Variants in VPS13B observed in about 807,000 individuals in gnomAD.
VPS13B encodes vacuolar protein sorting 13 homolog B.
In VPS13B, 285 loss-of-function variants were observed where a neutral mutation model predicts 426.4. The ratio of observed to expected loss-of-function variants is 0.67; its 90% confidence interval spans 0.61 to 0.74. The LOEUF (loss-of-function observed/expected upper bound fraction) is 0.74, where lower values mean the gene tolerates loss of function less well. Ranked by LOEUF, VPS13B falls within the 30% of genes least tolerant of loss-of-function variation. The pLI is 0.00. For missense variants in VPS13B, 4,537 were observed against 4,782.6 expected (o/e 0.95, Z 1.51); for synonymous variants, 1,676 against 1,676.4 (o/e 1.00, Z 0.01).
At chr8:99,061,467 T>C (rs1351444536) in intron 3 of VPS13B, among the ~76,000 whole-genome samples, 1 of 152,092 alleles carries the variant, frequency 6.6e-6, no homozygotes, top group East Asian at 1.9e-4. Flanking sequence ...TGACTATTCA[T>C]TGGAGTGTTT....
At chr8:99,240,013 A>G (rs933023626) in intron 17 of VPS13B, among the ~76,000 whole-genome samples, 6 of 152,128 alleles carry the variant, frequency 3.9e-5, no homozygotes, top group Middle Eastern at 3.2e-3. Context: ...TATGCATTCC[A>G]GATAAGAGGA....
chr8:99,495,019 C>G (rs1255854268), intron 25 of VPS13B, among the ~76,000 whole-genome samples: 1 of 151,856 alleles, frequency 6.6e-6, no homozygotes, highest in Admixed American at 6.6e-5. Flanking sequence ...TCCACTGACA[C>G]AGAAGTAAAG....
At chr8:99,120,695 C>A (rs2132513964) in intron 7 of VPS13B, 1 of 152,734 alleles carries the variant, frequency 6.5e-6, no homozygotes. Flanking sequence ...GGCAGGGGAG[C>A]ATTTTGCCTA....
chr8:99,215,414 C>T (rs1815328997), intron 17 of VPS13B, among the ~76,000 whole-genome samples: 1 of 152,158 alleles, frequency 6.6e-6, no homozygotes, highest in South Asian at 2.1e-4. Context: ...TTATCTGTGT[C>T]TAAAGTCCTT....
intron 39 of VPS13B, among the ~76,000 whole-genome samples, chr8:99,736,170 A>G (rs1294338040): frequency 6.6e-6 from 1 of 152,228 alleles, no homozygotes. Context: ...TTACGAATTT[A>G]GTTTACACTT....
intron 33 of VPS13B, among the ~76,000 whole-genome samples, chr8:99,606,489 A>T (rs2133866678): frequency 7.2e-6 from 1 of 138,296 alleles, no homozygotes; most frequent in East Asian, 2.2e-4. Context: ...ACATAGCAAG[A>T]CTCAGTTTCA....
In VPS13B at chr8:99,461,487, A is replaced by G. The variant is rs147307265; in HGVS notation, c.3446-5927A>G. Among the ~76,000 whole-genome samples the G allele has an allele frequency of 5.3e-5, 8 of 152,290 alleles. No individual in the cohort carries two copies. The East Asian group carries it at 1.3e-3, about 26-fold the overall frequency. ...TTGTGACTTTCATTAATGATCTTGC[A>G]AGCTTTTCTAACTTATTTAATGTCT... On this transcript the variant is annotated intron_variant, in intron 23 of 61. Transcript: ENST00000357162.
At chr8:99,117,493 A>C (rs1847721675) in intron 7 of VPS13B, among the ~76,000 whole-genome samples, 1 of 152,192 alleles carries the variant, frequency 6.6e-6, no homozygotes, top group Non-Finnish European at 1.5e-5. Context: ...CTTATATATG[A>C]AATGTTCATG....
intron 30 of VPS13B, among the ~76,000 whole-genome samples, chr8:99,531,759 A>G (rs1822949230): frequency 6.6e-6 from 1 of 152,082 alleles, no homozygotes; most frequent in African/African-American, 2.4e-5. Context: ...ATTGAGAAAT[A>G]CTGTGTTCAA....
chr8:99,638,273 CT>C (rs1829150544), intron 33 of VPS13B, among the ~76,000 whole-genome samples: 1 of 151,998 alleles, frequency 6.6e-6, no homozygotes, highest in Non-Finnish European at 1.5e-5. Context: ...GCTGTCTGAC[CT>C]TGGAACTATT....
chr8:99,832,499 T>C lies in VPS13B; in HGVS notation c.9461T>C (p.Leu3154Pro). ...AGTCAGTCAGTACTGGATGCATCCC[T>C]GCTTCAGAAACAGATCATGCTGGGC... Reference protein sequence around the residue: ...DISQSVLDASLLQKQIMLGFS... With the variant: ...DISQSVLDASPLQKQIMLGFS... The change falls in exon 52 of 62, where the codon CTG becomes CCG. Residue 3154 changes from leucine (L) to proline (P), a missense_variant. Physicochemically the swap from Leu to Pro is moderately conservative, Grantham distance 98. Coordinates refer to ENST00000357162, the MANE Select transcript of VPS13B (RefSeq NM_152564.5). 6.2e-7 allele frequency: 1 copy of C among 1,613,834 alleles called. No homozygotes were observed. Among genetic ancestry groups the C allele is most frequent in the Non-Finnish European group, 8.5e-7 (1 of 1,179,988 alleles).
chr8:99,835,197 G>A lies in VPS13B; in HGVS notation c.9615G>A (p.Arg3205=). 3.1e-6 allele frequency: 5 copies of A among 1,613,746 alleles called. No individual in the cohort carries two copies. The highest frequency in any genetic ancestry group is 4.2e-6 in the Non-Finnish European group (5 of 1,179,918). The part of the protein sequence containing the change: ...GNFRENGFCT[R]AIVLTYQEHL... ...GTCATTTGACTTGATTCTCTTCCAG[G>A]GCTATAGTGCTGACATATCAAGAAC... The change falls in exon 53 of 62, where the codon AGG becomes AGA. Residue 3205 remains arginine, a splice_region_variant and synonymous_variant. Transcript: ENST00000357162.
intron 23 of VPS13B, among the ~76,000 whole-genome samples, chr8:99,445,297 T>G (rs1395069657): frequency 6.7e-6 from 1 of 149,296 alleles, no homozygotes; most frequent in Non-Finnish European, 1.5e-5. Context: ...AGACTTCATC[T>G]CTACAAAAAA....
At chr8:99,549,771 C>A (rs746972515) in intron 30 of VPS13B, among the ~76,000 whole-genome samples, 1 of 152,086 alleles carries the variant, frequency 6.6e-6, no homozygotes, top group Non-Finnish European at 1.5e-5. Flanking sequence ...TCTCCAGGCC[C>A]GCTGTTCAGA....
chr8:99,408,249 AT>A (rs1815439157), intron 21 of VPS13B, among the ~76,000 whole-genome samples: 1 of 152,168 alleles, frequency 6.6e-6, no homozygotes, highest in Non-Finnish European at 1.5e-5. Flanking sequence ...TGTATTGAGA[AT>A]GCACTGTAGG....
At chr8:99,050,141 G>A (rs574346995) in intron 3 of VPS13B, among the ~76,000 whole-genome samples, 2 of 151,882 alleles carry the variant, frequency 1.3e-5, no homozygotes, top group East Asian at 1.9e-4. Context: ...CCATTAACTC[G>A]TAATTTAACA....
intron 36 of VPS13B, among the ~76,000 whole-genome samples, chr8:99,700,908 G>A (rs1438853057): frequency 6.6e-6 from 1 of 152,064 alleles, no homozygotes; most frequent in African/African-American, 2.4e-5. Context: ...TTTAATTTGT[G>A]GGGGGAAATT....
In VPS13B at chr8:99,028,533, C is replaced by G. The variant is rs1284433048; in HGVS notation, c.148-9890C>G. Among the ~76,000 whole-genome samples the G allele has an allele frequency of 3.7e-5, 2 of 54,376 alleles. 1 individual carries two copies. The highest frequency in any genetic ancestry group is 8.3e-5 in the Non-Finnish European group (2 of 24,000). 35.7% of individuals were successfully genotyped at this position (54,376 alleles called of 152,430 possible). On this transcript the variant is annotated intron_variant, in intron 2 of 61. Coordinates refer to ENST00000357162, the MANE Select transcript of VPS13B (RefSeq NM_152564.5). ...CGGGCGGGGGGCTGACCCCCCCCCCCACCTCCCTCCCGGACGGGGCGGCTG... is the reference window on the plus strand; with the variant it reads ...CGGGCGGGGGGCTGACCCCCCCCCCGACCTCCCTCCCGGACGGGGCGGCTG...
chr8:99,842,300 C>T (rs1815734496), intron 54 of VPS13B, among the ~76,000 whole-genome samples: 1 of 152,142 alleles, frequency 6.6e-6, no homozygotes. Flanking sequence ...ATACTATCTG[C>T]AACTTAAATG....
Sources: allele counts gnomAD v4.1 joint callset (sites outside exome capture counted in the v4.1 genomes callset), GRCh38; gene constraint gnomAD v4.1.1; transcripts MANE v1.5; gene names NCBI Gene and HGNC (gene_info 2026-07-23, HGNC 2026-07-21).